Variants in SND1 observed in about 807,000 individuals in gnomAD.
SND1 encodes staphylococcal nuclease domain-containing protein 1.
A neutral mutation model predicts 121.7 loss-of-function variants in SND1; 38 were observed. The observed-to-expected ratio is 0.31, with a 90% CI of 0.24 to 0.41. The LOEUF is 0.41. Among genes scored for constraint, SND1 ranks in the 10% least tolerant of loss-of-function variants. The probability of loss-of-function intolerance (pLI) is 1.00; values close to 1 mark genes in which losing one functional copy is unlikely to be tolerated. For missense variants in SND1, 868 were observed against 1,184.6 expected (o/e 0.73, Z 3.92); for synonymous variants, 401 against 447.4 (o/e 0.90, Z 1.31).
At chr7:127,771,248 A>G (rs1278189421) in intron 10 of SND1, among the ~76,000 whole-genome samples, 1 of 152,196 alleles carries the variant, frequency 6.6e-6, no homozygotes, top group African/African-American at 2.4e-5. Flanking sequence ...CTTGGGGGCC[A>G]CAGGCTAATT....
intron 22 of SND1, 76 bp from the exon 23 acceptor site, chr7:128,091,761 A>T: frequency 6.7e-7 from 1 of 1,493,252 alleles, no homozygotes; most frequent in Non-Finnish European, 9.3e-7. Context: ...CGCTTACCTA[A>T]GCATTCTGCA....
chr7:127,662,753 G>C (rs1344775480), intron 1 of SND1, among the ~76,000 whole-genome samples: 1 of 152,068 alleles, frequency 6.6e-6, no homozygotes, highest in Non-Finnish European at 1.5e-5. Flanking sequence ...CAGCACCTGG[G>C]CCTTGGTAAA....
intron 1 of SND1, among the ~76,000 whole-genome samples, chr7:127,672,573 A>G (rs183716213): frequency 2.0e-5 from 3 of 151,880 alleles, no homozygotes; most frequent in Non-Finnish European, 4.4e-5. Flanking sequence ...AGATCGCACC[A>G]CTGCACTCCA....
chr7:128,007,805 A>G (rs980965315), intron 16 of SND1, among the ~76,000 whole-genome samples: 4 of 152,224 alleles, frequency 2.6e-5, no homozygotes, highest in Admixed American at 2.0e-4. Context: ...AGTATGACCC[A>G]TTCAGTTTCC....
intron 14 of SND1, among the ~76,000 whole-genome samples, chr7:127,926,849 C>A (rs1239292703): frequency 1.3e-5 from 2 of 151,938 alleles, no homozygotes; most frequent in Non-Finnish European, 2.9e-5. Flanking sequence ...CCTCAGCCTC[C>A]CAAAGTGCTG....
At chr7:127,787,557 T>G (rs1797834305) in intron 10 of SND1, among the ~76,000 whole-genome samples, 1 of 152,236 alleles carries the variant, frequency 6.6e-6, no homozygotes, top group African/African-American at 2.4e-5. Context: ...TCTGAGAATC[T>G]GTTGATTTGT....
chr7:127,846,369 A>T (rs1444213452), intron 12 of SND1, among the ~76,000 whole-genome samples: 1 of 152,232 alleles, frequency 6.6e-6, no homozygotes, highest in African/African-American at 2.4e-5. Flanking sequence ...GGATTAGACC[A>T]GCCTGGCAGG....
At chr7:128,082,122 T>A (rs1208086576) in intron 18 of SND1, among the ~76,000 whole-genome samples, 1 of 152,136 alleles carries the variant, frequency 6.6e-6, no homozygotes, top group South Asian at 2.1e-4. Context: ...GACCTGGGGT[T>A]TCTGGAGGCC....
intron 10 of SND1, among the ~76,000 whole-genome samples, chr7:127,734,356 G>T (rs1393837192): frequency 2.0e-5 from 3 of 152,102 alleles, no homozygotes; most frequent in African/African-American, 7.2e-5. Flanking sequence ...TACTATTTGA[G>T]CTGATGTTTA....
At chr7:127,946,899 A>G (rs996833790) in intron 15 of SND1, among the ~76,000 whole-genome samples, 2 of 152,166 alleles carry the variant, frequency 1.3e-5, no homozygotes, top group Admixed American at 1.3e-4. Context: ...CCCACTAGCT[A>G]TTTATGTATT....
intron 10 of SND1, among the ~76,000 whole-genome samples, chr7:127,778,385 G>A (rs1382546808): frequency 6.6e-6 from 1 of 152,072 alleles, no homozygotes; most frequent in Non-Finnish European, 1.5e-5. Context: ...TTTTAGTAGA[G>A]ACAGGGTTTC....
At chr7:127,822,687 A>C (rs1476404035) in intron 11 of SND1, among the ~76,000 whole-genome samples, 1 of 152,178 alleles carries the variant, frequency 6.6e-6, no homozygotes, top group Non-Finnish European at 1.5e-5. Context: ...CCTTTTTTAA[A>C]TGCACTTGTG....
chr7:127,684,811 A>G (rs1187498824), intron 1 of SND1, among the ~76,000 whole-genome samples: 7 of 152,178 alleles, frequency 4.6e-5, no homozygotes. Flanking sequence ...CAGGGATTAA[A>G]GTGACTTAGG....
intron 10 of SND1, among the ~76,000 whole-genome samples, chr7:127,754,200 T>C (rs1018848678): frequency 1.3e-5 from 2 of 152,216 alleles, no homozygotes; most frequent in African/African-American, 4.8e-5. Flanking sequence ...ATTATCTTCT[T>C]GAGTGAAAAT....
intron 15 of SND1, among the ~76,000 whole-genome samples, chr7:127,935,678 G>A (rs939370319): frequency 1.3e-5 from 2 of 152,214 alleles, no homozygotes; most frequent in Non-Finnish European, 2.9e-5. Context: ...GAGTAGGCAT[G>A]CTATTCATGT....
intron 16 of SND1, chr7:128,028,440 T>C: frequency 2.3e-6 from 1 of 437,020 alleles, no homozygotes; most frequent in South Asian, 3.7e-5. Context: ...AACTTGTGGC[T>C]TGTACCCCAC....
At chr7:128,069,367 TAC>T (rs1021526170) in intron 16 of SND1, among the ~76,000 whole-genome samples, 6 of 152,200 alleles carry the variant, frequency 3.9e-5, no homozygotes. Flanking sequence ...GCAGTTTTGT[TAC>T]CTCATTCAGT....
intron 2 of SND1, chr7:127,687,045 A>G (rs1795825821): frequency 3.4e-6 from 1 of 292,612 alleles, no homozygotes; most frequent in Admixed American, 5.1e-5. Flanking sequence ...GTTTAGGAAC[A>G]TTTCCTGGGT....
chr7:127,798,446 C>T (rs935546059), intron 10 of SND1, among the ~76,000 whole-genome samples: 26 of 152,172 alleles, frequency 1.7e-4, no homozygotes, highest in African/African-American at 5.6e-4. Flanking sequence ...CACACCCAGG[C>T]TTCCAGTAGC....
Sources: gnomAD v4.1 joint callset for allele counts (sites outside exome capture counted in the v4.1 genomes callset) on GRCh38, gnomAD v4.1.1 for gene constraint, MANE v1.5 for transcripts, NCBI Gene and HGNC (gene_info 2026-07-23, HGNC 2026-07-21) for gene names.